Variants in ACVR1C observed in about 807,000 individuals in gnomAD.
The protein encoded by ACVR1C is activin A receptor type 1C.
In ACVR1C, 23 loss-of-function variants were observed where a neutral mutation model predicts 57.9. The ratio of observed to expected loss-of-function variants is 0.40; its 90% CI spans 0.29 to 0.56. ACVR1C has a LOEUF of 0.56. ACVR1C is among the 20% of genes least tolerant of loss of function. The pLI, the probability that ACVR1C is intolerant of heterozygous loss-of-function variation, is 0.50. For missense variants in ACVR1C, 480 were observed against 607.9 expected (o/e 0.79, Z 2.21); for synonymous variants, 214 against 215.3 (o/e 0.99, Z 0.05).
intron 1 of ACVR1C, among the ~76,000 whole-genome samples, chr2:157,621,455 A>G (rs1682769444): frequency 6.6e-6 from 1 of 152,026 alleles, no homozygotes; most frequent in South Asian, 2.1e-4. Context: ...CTGGATCCCT[A>G]AGTAGGAGGA....
chr2:157,534,139 G>GT lies in ACVR1C; in HGVS notation c.1357-97_1357-96insA. ...CCATAAATCCAGGAATTGATGCTAAGCTTTTTTTTTTTTTTTAAGAGATGG... is the reference window on the plus strand; with the variant it reads ...CCATAAATCCAGGAATTGATGCTAAGTCTTTTTTTTTTTTTTTAAGAGATGG... On this transcript the variant is annotated intron_variant, in intron 8 of 8. Coordinates refer to ENST00000243349, the MANE Select transcript of ACVR1C (RefSeq NM_145259.3). 3 of 1,081,668 alleles carry GT rather than the reference G, an allele frequency of 2.8e-6. No individual in the cohort carries two copies. The East Asian group carries it at 9.8e-5, about 35-fold the overall frequency. The allele number at this position is 1,081,668 out of a possible 1,614,324, so 67.0% of individuals were successfully genotyped here.
At position 157,527,394 on chromosome 2, in the gene ACVR1C, T is replaced by A. The variant is rs1195182838; in HGVS notation, c.*6524A>T. On this transcript the variant is annotated 3_prime_UTR_variant, in exon 9 of 9. Coordinates refer to ENST00000243349, the MANE Select transcript of ACVR1C (RefSeq NM_145259.3). ...ACAACGGTGATTCTTTTCACAGTAG[T>A]TCAAGAGTTCAAGGCATGTTTTGCA... 1.3e-5 allele frequency: 2 copies of A among 152,298 alleles called. No homozygotes were observed. Among genetic ancestry groups the A allele is most frequent in the African/African-American group, 4.8e-5 (2 of 41,572 alleles). The allele number at this position is 152,298 out of a possible 1,614,324, so 9.4% of individuals were successfully genotyped here.
chr2:157,528,332 C>A lies in ACVR1C; in HGVS notation c.*5586G>T, dbSNP rs938050763. On this transcript the variant is annotated 3_prime_UTR_variant, in exon 9 of 9. Coordinates refer to ENST00000243349, the MANE Select transcript of ACVR1C (RefSeq NM_145259.3). ...CCTATTAAAATTCAGATTAACATAA[C>A]CCACAGTAAACTCTTGCAGTTAAAA... 2.0e-5 allele frequency: 3 copies of A among 152,128 alleles called. No individual in the cohort carries two copies. The highest frequency in any genetic ancestry group is 7.2e-5 in the African/African-American group (3 of 41,432). 9.4% of individuals were successfully genotyped at this position (152,128 alleles called of 1,614,324 possible). A position where few individuals can be genotyped will look rare whatever the true frequency, so the allele number is the denominator to read the frequency against.
intron 6 of ACVR1C, among the ~76,000 whole-genome samples, chr2:157,542,285 A>G (rs906880208): frequency 3.3e-5 from 5 of 152,180 alleles, no homozygotes; most frequent in African/African-American, 9.7e-5. Context: ...ATTTCAACAT[A>G]TTGATTCTGT....
At chr2:157,621,858 G>A (rs922035546) in intron 1 of ACVR1C, among the ~76,000 whole-genome samples, 6 of 152,146 alleles carry the variant, frequency 3.9e-5, no homozygotes, top group African/African-American at 1.4e-4. Flanking sequence ...GTTTATCACA[G>A]CTCCTCTACC....
In ACVR1C at chr2:157,556,321, C is replaced by A; in HGVS notation, c.316G>T (p.Ala106Ser). 1 of 1,613,938 alleles carries A rather than the reference C, an allele frequency of 6.2e-7. No individual in the cohort carries two copies. The highest frequency in any genetic ancestry group is 8.5e-7 in the Non-Finnish European group (1 of 1,179,906). The change falls in exon 3 of 9, where the codon GCC becomes TCC. Residue 106 changes from alanine (A) to serine (S), a missense_variant. Physicochemically the swap from Ala to Ser is moderately conservative, Grantham distance 99 (BLOSUM62 1). Coordinates refer to ENST00000243349, the MANE Select transcript of ACVR1C (RefSeq NM_145259.3). The stretch of plus-strand genomic sequence containing the variant: ...AGCTCCATGGGTCCAAGTTTTGGGG[C>A]ATTTGGTGATGCTACAGTTTAAAGA... The part of the protein sequence containing the change: ...TLHLPTASPN[A>S]PKLGPMELAI...
At chr2:157,616,079 C>A (rs1048969278) in intron 1 of ACVR1C, among the ~76,000 whole-genome samples, 1 of 152,084 alleles carries the variant, frequency 6.6e-6, no homozygotes, top group Non-Finnish European at 1.5e-5. Flanking sequence ...AAATTATTAA[C>A]CAATATCTCT....
intron 3 of ACVR1C, among the ~76,000 whole-genome samples, chr2:157,550,600 C>G (rs1423635011): frequency 2.6e-5 from 4 of 152,022 alleles, no homozygotes; most frequent in Non-Finnish European, 4.4e-5. Flanking sequence ...ATGAATTTGT[C>G]TTGTCGTATT....
chr2:157,613,654 G>A (rs1486350777), intron 1 of ACVR1C, among the ~76,000 whole-genome samples: 2 of 152,164 alleles, frequency 1.3e-5, no homozygotes, highest in Non-Finnish European at 2.9e-5. Context: ...CTGCTGAAAT[G>A]GTAAATTGAA....
chr2:157,540,464 A>G (rs1687600363), intron 7 of ACVR1C, among the ~76,000 whole-genome samples: 1 of 151,692 alleles, frequency 6.6e-6, no homozygotes, highest in Non-Finnish European at 1.5e-5. Context: ...ATGCCTGGCT[A>G]ATTTTGTATT....
chr2:157,547,781 T>G (rs1687805638), intron 4 of ACVR1C, among the ~76,000 whole-genome samples: 1 of 151,600 alleles, frequency 6.6e-6, no homozygotes, highest in Non-Finnish European at 1.5e-5. Context: ...CTGTTCACTC[T>G]GATGGTAGTT....
chr2:157,544,342 G>T, intron 5 of ACVR1C, 103 bp downstream of exon 5: 1 of 1,200,512 alleles, frequency 8.3e-7, no homozygotes, highest in Non-Finnish European at 1.1e-6. Context: ...ACCGTGCCCA[G>T]CCTAAAGAAA....
At chr2:157,604,058 C>A (rs890009993) in intron 1 of ACVR1C, among the ~76,000 whole-genome samples, 1 of 152,028 alleles carries the variant, frequency 6.6e-6, no homozygotes, top group Admixed American at 6.6e-5. Flanking sequence ...TAAAAATATA[C>A]CTGATTAACC....
At chr2:157,558,239 G>A (rs571259542) in intron 2 of ACVR1C, among the ~76,000 whole-genome samples, 3 of 152,308 alleles carry the variant, frequency 2.0e-5, no homozygotes, top group South Asian at 4.2e-4. Context: ...AAGAATGGGA[G>A]ACTATGCTTG....
intron 1 of ACVR1C, among the ~76,000 whole-genome samples, chr2:157,598,818 C>T (rs1682203733): frequency 6.6e-6 from 1 of 152,008 alleles, no homozygotes; most frequent in Non-Finnish European, 1.5e-5. Flanking sequence ...GGGCTACAGG[C>T]GTGAGTCACC....
chr2:157,527,811 T>C lies in ACVR1C; in HGVS notation c.*6107A>G, dbSNP rs563763460. The C allele has an allele frequency of 7.2e-5, 11 of 152,332 alleles. No homozygotes were observed. The South Asian group carries it at 1.7e-3, about 23-fold the overall frequency. The allele number at this position is 152,332 out of a possible 1,614,324, so 9.4% of individuals were successfully genotyped here. A position where few individuals can be genotyped will look rare whatever the true frequency, so the allele number is the denominator to read the frequency against. ...TAGTAAATGTCATTCTACGCTTGCATTTGTTAGACAAAATTTAGGCACACA... is the reference window on the plus strand; with the variant it reads ...TAGTAAATGTCATTCTACGCTTGCACTTGTTAGACAAAATTTAGGCACACA... On this transcript the variant is annotated 3_prime_UTR_variant, in exon 9 of 9. Transcript: ENST00000243349.
chr2:157,591,316 C>T (rs1308691404), intron 1 of ACVR1C, among the ~76,000 whole-genome samples: 2 of 151,954 alleles, frequency 1.3e-5, no homozygotes, highest in Admixed American at 6.6e-5. Context: ...ACAAAGGTCT[C>T]AGCCCTCACT....
Position 157,628,592 on chromosome 2 carries a change from G to A in ACVR1C, c.53C>T (p.Ala18Val). ...ALRQALLLLA[A>V]AAELSPGLKC... ...CGTACCTGGCGAGAGCTCGGCGGCC[G>A]CTGCGAGCAGCAGGAGAGCCTGGCG... The change falls in exon 1 of 9, where the codon GCG becomes GTG. Residue 18 changes from alanine to valine, a missense_variant. Transcript: ENST00000243349. The A allele has an allele frequency of 6.2e-7, 1 of 1,606,992 alleles. No individual in the cohort carries two copies. The highest frequency in any genetic ancestry group is 8.5e-7 in the Non-Finnish European group (1 of 1,177,410).
intron 3 of ACVR1C, among the ~76,000 whole-genome samples, chr2:157,555,100 G>GTTTT (rs1688064916): frequency 2.3e-5 from 3 of 128,418 alleles, no homozygotes; most frequent in African/African-American, 6.7e-5. Flanking sequence ...TACTTTGAAC[G>GTTTT]CTTTTTTTTT....
Sources: gnomAD v4.1 joint callset for allele counts (sites outside exome capture counted in the v4.1 genomes callset) on GRCh38, gnomAD v4.1.1 for gene constraint, MANE v1.5 for transcripts, NCBI Gene and HGNC (gene_info 2026-07-23, HGNC 2026-07-21) for gene names.